Variants in RAB11FIP5 observed in about 807,000 individuals in gnomAD.
RAB11FIP5 encodes RAB11 family interacting protein 5, also known as rab11 family-interacting protein 5.
In RAB11FIP5, 48 loss-of-function variants were observed where a neutral mutation model predicts 85.1. That is an observed-to-expected ratio of 0.56 (90% CI 0.45 to 0.72). RAB11FIP5 has a LOEUF of 0.72. Ranked by LOEUF, RAB11FIP5 falls within the 30% of genes least tolerant of loss-of-function variation. RAB11FIP5 has a pLI of 0.00. For synonymous variants in RAB11FIP5, 729 were observed against 727.3 expected (o/e 1.00, Z -0.04); for missense variants, 1,491 against 1,687.0 (o/e 0.88, Z 2.04).
At chr2:73,099,032 TG>T (rs371157741) in intron 1 of RAB11FIP5, among the ~76,000 whole-genome samples, 2,667 of 149,220 alleles carry the variant, frequency 0.018, 37 homozygotes, top group Middle Eastern at 0.036. Context: ...AATGCTTTTT[TG>T]TTTTTTTTTT....
chr2:73,079,519 T>C, intron 4 of RAB11FIP5, 132 bp downstream of exon 4: 8 of 1,129,738 alleles, frequency 7.1e-6, no homozygotes, highest in Non-Finnish European at 8.9e-6. Context: ...CCGTCTTGCC[T>C]CTGGGGTAAA....
intron 1 of RAB11FIP5, among the ~76,000 whole-genome samples, chr2:73,092,535 G>A (rs1417945720): frequency 6.6e-6 from 1 of 152,174 alleles, no homozygotes; most frequent in Non-Finnish European, 1.5e-5. Flanking sequence ...GCCACAAAAT[G>A]GGCCGTGCTC....
intron 1 of RAB11FIP5, among the ~76,000 whole-genome samples, chr2:73,110,675 G>C (rs370786366): frequency 1.3e-5 from 2 of 152,310 alleles, no homozygotes; most frequent in East Asian, 3.9e-4. Flanking sequence ...CTACAAGCTT[G>C]GCCAGCTCAG....
chr2:73,093,738 AC>A (rs1194862425), intron 1 of RAB11FIP5, among the ~76,000 whole-genome samples: 4 of 152,170 alleles, frequency 2.6e-5, no homozygotes, highest in Non-Finnish European at 5.9e-5. Flanking sequence ...CTCTCCCACG[AC>A]CGTGAGCTCT....
chr2:73,095,169 C>T (rs1214329731), intron 1 of RAB11FIP5, among the ~76,000 whole-genome samples: 2 of 152,150 alleles, frequency 1.3e-5, no homozygotes, highest in Non-Finnish European at 2.9e-5. Flanking sequence ...TCTCCAAGGC[C>T]CAGCCAGCAC....
intron 1 of RAB11FIP5, among the ~76,000 whole-genome samples, chr2:73,103,644 C>A (rs1206481937): frequency 6.6e-6 from 1 of 152,132 alleles, no homozygotes; most frequent in African/African-American, 2.4e-5. Context: ...CCCTGTCTGC[C>A]CTCAGGGAAG....
In RAB11FIP5 at chr2:73,080,055, C is replaced by T; in HGVS notation, c.3177G>A (p.Lys1059=). ...TSQQADVWVS[K]EDALNPFLFQ... ...ACAAGAAGGGGTTCAAGGCATCTTC[C>T]TTGGAGACCCACACATCAGCCTGCT... The change falls in exon 4 of 6, where the codon AAG becomes AAA. Residue 1059 remains lysine (K), a synonymous_variant. Coordinates refer to ENST00000486777, the MANE Select transcript of RAB11FIP5 (RefSeq NM_001371272.1). 1 of 1,232,168 alleles carries T rather than the reference C, an allele frequency of 8.1e-7. No homozygotes were observed. 76.3% of individuals were successfully genotyped at this position (1,232,168 alleles called of 1,614,324 possible). A position where few individuals can be genotyped will look rare whatever the true frequency, so the allele number is the denominator to read the frequency against.
intron 3 of RAB11FIP5, among the ~76,000 whole-genome samples, chr2:73,082,040 C>CTTTTTTT (rs11409259): frequency 7.7e-6 from 1 of 129,918 alleles, no homozygotes; most frequent in African/African-American, 2.9e-5. Context: ...CCTTACATCC[C>CTTTTTTT]TTTTTTTTTT....
intron 1 of RAB11FIP5, among the ~76,000 whole-genome samples, chr2:73,104,773 G>C (rs1435491481): frequency 6.6e-6 from 1 of 152,060 alleles, no homozygotes; most frequent in East Asian, 1.9e-4. Flanking sequence ...CCTCTCCCAA[G>C]AAGCCCACCC....
rs1455758758 is a variant in RAB11FIP5 at position 73,088,700 on chromosome 2, G to A, written c.918C>T (p.Tyr306=). The A allele has an allele frequency of 6.2e-7, 1 of 1,612,254 alleles. No individual in the cohort carries two copies. Among genetic ancestry groups the A allele is most frequent in the African/African-American group, 1.3e-5 (1 of 75,066 alleles). ...SPKLFTHKRT[Y]SDEANQMRVA... is the part of the protein sequence containing the mutation. The stretch of plus-strand genomic sequence containing the variant: ...CTCGCATCTGGTTGGCCTCATCGCT[G>A]TAGGTCCTCTTATGGGTGAACAGCT... Residue 306 remains tyrosine, a synonymous_variant, in exon 3 of 6, where the codon TAC becomes TAT. Coordinates refer to ENST00000486777, the MANE Select transcript of RAB11FIP5 (RefSeq NM_001371272.1).
At chr2:73,104,221 G>C (rs1684482889) in intron 1 of RAB11FIP5, among the ~76,000 whole-genome samples, 2 of 152,164 alleles carry the variant, frequency 1.3e-5, no homozygotes, top group African/African-American at 4.8e-5. Context: ...GGTGGGTCAA[G>C]GGAAATTTTT....
chr2:73,077,506 AGAATCCTTTAAT>A (rs755860706), intron 4 of RAB11FIP5, among the ~76,000 whole-genome samples: 11 of 152,238 alleles, frequency 7.2e-5, no homozygotes, highest in Admixed American at 3.9e-4. Context: ...TCAAAGCTTG[AGAATCCTTTAAT>A]GGCTTCTATC....
rs753259038 is a variant in RAB11FIP5 at position 73,075,762 on chromosome 2, A to AGGCC, written c.3772-42_3772-39dup. 7.5e-5 allele frequency: 110 copies of AGGCC among 1,469,672 alleles called. 1 individual carries two copies. The African/African-American group carries it at 9.7e-4, about 13-fold the overall frequency. The allele number at this position is 1,469,672 out of a possible 1,614,324, so 91.0% of individuals were successfully genotyped here. A position where few individuals can be genotyped will look rare whatever the true frequency, so the allele number is the denominator to read the frequency against. ...CGAAGACAGTGAGCAGGGCAGCCCT[A>AGGCC]GGCCTGCCTGCCTGCCTGCCCGCTT... On this transcript the variant is annotated intron_variant, in intron 5 of 5. Transcript: ENST00000486777. The surrounding 1 kb of genome is among the most constrained non-coding windows in gnomAD (Gnocchi z 4.6).
chr2:73,105,425 T>C (rs1430141951), intron 1 of RAB11FIP5, among the ~76,000 whole-genome samples: 2 of 151,994 alleles, frequency 1.3e-5, no homozygotes, highest in African/African-American at 2.4e-5. Flanking sequence ...TGTATTTTTG[T>C]AGAAATGGAG....
At chr2:73,077,155 CAG>C (rs1384706608) in intron 4 of RAB11FIP5, among the ~76,000 whole-genome samples, 1 of 152,218 alleles carries the variant, frequency 6.6e-6, no homozygotes, top group Admixed American at 6.5e-5. Context: ...TCTAGACCTG[CAG>C]AGTCAGGTGC....
chr2:73,106,618 G>A (rs537940203), intron 1 of RAB11FIP5, among the ~76,000 whole-genome samples: 2 of 152,310 alleles, frequency 1.3e-5, no homozygotes, highest in East Asian at 3.9e-4. Flanking sequence ...AAACCTGGCA[G>A]GCACTTCCAC....
intron 1 of RAB11FIP5, among the ~76,000 whole-genome samples, chr2:73,099,256 G>A (rs999808822): frequency 2.0e-5 from 3 of 152,086 alleles, no homozygotes; most frequent in African/African-American, 7.2e-5. Context: ...CACCATGTTG[G>A]TCAGGCTGGT....
chr2:73,077,393 A>G (rs758915973), intron 4 of RAB11FIP5, among the ~76,000 whole-genome samples: 3 of 152,178 alleles, frequency 2.0e-5, no homozygotes, highest in Non-Finnish European at 4.4e-5. Context: ...TCTCCAGGCC[A>G]ATGCTTAAAC....
intron 3 of RAB11FIP5, among the ~76,000 whole-genome samples, chr2:73,087,183 T>C (rs1411774297): frequency 6.6e-6 from 1 of 152,130 alleles, no homozygotes; most frequent in Non-Finnish European, 1.5e-5. Flanking sequence ...ATGCTGCCTA[T>C]GAGGGCTGGC....
Sources: allele counts gnomAD v4.1 joint callset (sites outside exome capture counted in the v4.1 genomes callset), GRCh38; gene constraint gnomAD v4.1.1; non-coding constraint Gnocchi (gnomAD v3.1); transcripts MANE v1.5; gene names NCBI Gene and HGNC (gene_info 2026-07-23, HGNC 2026-07-21).